ZNF407: variants seen among roughly 807,000 people sequenced by gnomAD.
The protein encoded by ZNF407 is zinc finger protein 407.
A neutral mutation model predicts 131.2 loss-of-function variants in ZNF407; 17 were observed. The observed-to-expected ratio is 0.13, with a 90% CI of 0.09 to 0.19. The LOEUF (loss-of-function observed/expected upper bound fraction) is 0.19, where lower values mean the gene tolerates loss of function less well. Among genes scored for constraint, ZNF407 ranks in the 10% least tolerant of loss-of-function variants. ZNF407 has a pLI of 1.00. For missense variants in ZNF407, 2,681 were observed against 2,830.6 expected, an observed-to-expected ratio of 0.95 and a Z score of 1.20; for synonymous variants, 1,156 against 1,062.0, an observed-to-expected ratio of 1.09 and a Z score of -1.72.
At chr18:74,915,113 A>G (rs1324365467) in intron 7 of ZNF407, among the ~76,000 whole-genome samples, 1 of 152,220 alleles carries the variant, frequency 6.6e-6, no homozygotes, top group Admixed American at 6.5e-5. Flanking sequence ...GGTGACAGAT[A>G]TAAGCTTCTT....
Position 74,999,368 on chromosome 18 carries a change from A to C in ZNF407, c.5429-63782A>C, listed in dbSNP as rs867403614. On this transcript the variant is annotated intron_variant, in intron 8 of 8. Coordinates refer to ENST00000299687, the MANE Select transcript of ZNF407 (RefSeq NM_017757.3). Reference sequence around the variant, plus strand: ...TATAATAAAAAAAAAAAAAAAAAAAAAAAAAAACAAAGGTAAAACTTAAGT... The same window carrying C: ...TATAATAAAAAAAAAAAAAAAAAAACAAAAAAACAAAGGTAAAACTTAAGT... 3.5e-3 allele frequency among the ~76,000 whole-genome samples: 533 copies of C among 150,318 alleles called. 4 individuals are homozygous for C. The highest frequency in any genetic ancestry group is 0.012 in the African/African-American group (508 of 40,958).
At chr18:74,985,213 T>G (rs1000124746) in intron 8 of ZNF407, among the ~76,000 whole-genome samples, 12 of 152,234 alleles carry the variant, frequency 7.9e-5, no homozygotes, top group Non-Finnish European at 1.5e-4. Context: ...TTAACTTTGT[T>G]CACTACTCTG....
At chr18:74,756,558 A>G (rs1299972312) in intron 3 of ZNF407, among the ~76,000 whole-genome samples, 2 of 152,178 alleles carry the variant, frequency 1.3e-5, no homozygotes, top group African/African-American at 4.8e-5. Flanking sequence ...TAAGTATTTT[A>G]AATGTTTTTA....
chr18:74,632,972 A>C lies in ZNF407; in HGVS notation c.1953A>C (p.Ser651=). The C allele has an allele frequency of 6.2e-7, 1 of 1,613,746 alleles. No individual in the cohort carries two copies. The highest frequency in any genetic ancestry group is 8.5e-7 in the Non-Finnish European group (1 of 1,179,826). ...TGGTTCAACCAAAGACTTTGCAATCATCTAACAGTGATTTGGTTTTACAGA... is the reference window on the plus strand; with the variant it reads ...TGGTTCAACCAAAGACTTTGCAATCCTCTAACAGTGATTTGGTTTTACAGA... The part of the protein sequence containing the change: ...NSLVQPKTLQ[S]SNSDLVLQTL... The change falls in exon 2 of 9, where the codon TCA becomes TCC. Residue 651 remains serine, a synonymous_variant. Coordinates refer to ENST00000299687, the MANE Select transcript of ZNF407 (RefSeq NM_017757.3).
intron 7 of ZNF407, among the ~76,000 whole-genome samples, chr18:74,890,388 G>A (rs867272516): frequency 2.0e-5 from 3 of 152,088 alleles, no homozygotes; most frequent in African/African-American, 7.2e-5. Context: ...TTTAGGATTC[G>A]CTGTGGACGG....
chr18:74,758,052 A>T (rs890857002), intron 3 of ZNF407, among the ~76,000 whole-genome samples: 1 of 152,122 alleles, frequency 6.6e-6, no homozygotes, highest in African/African-American at 2.4e-5. Flanking sequence ...TAGACAGCAT[A>T]TACTTGGATC....
chr18:74,761,040 T>TTAAA (rs1380778435), intron 3 of ZNF407, among the ~76,000 whole-genome samples: 2 of 152,196 alleles, frequency 1.3e-5, no homozygotes, highest in Non-Finnish European at 2.9e-5. Flanking sequence ...GATTATCTAT[T>TTAAA]TAGGCAAAAA....
At chr18:74,630,830 T>C (rs1311170022) in intron 1 of ZNF407, 137 bp from the exon 2 acceptor site, 10 of 561,758 alleles carry the variant, frequency 1.8e-5, no homozygotes, top group African/African-American at 3.8e-5. Context: ...TAAAAGACTT[T>C]AGACATGTAA....
chr18:74,803,463 T>A (rs370500373), intron 4 of ZNF407, among the ~76,000 whole-genome samples: 2 of 152,272 alleles, frequency 1.3e-5, no homozygotes, highest in South Asian at 4.1e-4. Context: ...GTCTGTGGGA[T>A]TTTTCTCTAT....
intron 4 of ZNF407, among the ~76,000 whole-genome samples, chr18:74,811,836 G>A (rs1970200376): frequency 6.6e-6 from 1 of 150,610 alleles, no homozygotes; most frequent in Admixed American, 6.6e-5. Context: ...AGAACACATG[G>A]ACACAGGAAG....
intron 8 of ZNF407, among the ~76,000 whole-genome samples, chr18:75,051,980 G>A (rs1217527769): frequency 2.0e-5 from 3 of 152,184 alleles, no homozygotes; most frequent in Non-Finnish European, 4.4e-5. Context: ...CTTAACTCAT[G>A]TCTGTCCTCC....
chr18:74,802,691 T>G lies in ZNF407; in HGVS notation c.4877+21189T>G, dbSNP rs545093636. 7.0e-4 allele frequency among the ~76,000 whole-genome samples: 106 copies of G among 152,312 alleles called. 1 individual carries two copies. Among genetic ancestry groups the G allele is most frequent in the African/African-American group, 2.4e-3 (101 of 41,570 alleles). The stretch of plus-strand genomic sequence containing the variant: ...AATATTCTAAGTGTTTGACAAATAG[T>G]GGATATCCAGTGGAAGAAAACAGTA... On this transcript the variant is annotated intron_variant, in intron 4 of 8. Coordinates refer to ENST00000299687, the MANE Select transcript of ZNF407 (RefSeq NM_017757.3).
chr18:74,695,754 ATTTTG>A (rs1967339527), intron 3 of ZNF407, among the ~76,000 whole-genome samples: 1 of 151,936 alleles, frequency 6.6e-6, no homozygotes, highest in South Asian at 2.1e-4. Context: ...CTTCCCCATG[ATTTTG>A]TTCTAAGCGT....
chr18:74,909,874 G>A (rs148678236), intron 7 of ZNF407, among the ~76,000 whole-genome samples: 2 of 152,276 alleles, frequency 1.3e-5, no homozygotes, highest in Non-Finnish European at 2.9e-5. Context: ...ACTTAGTAGT[G>A]TATGTTTGAA....
intron 4 of ZNF407, among the ~76,000 whole-genome samples, chr18:74,831,456 C>G (rs1599182951): frequency 1.3e-5 from 2 of 152,104 alleles, no homozygotes; most frequent in Non-Finnish European, 2.9e-5. Context: ...TACCATTCTG[C>G]TTTCTGTGTC....
intron 4 of ZNF407, among the ~76,000 whole-genome samples, chr18:74,865,158 G>A (rs1970993233): frequency 6.6e-6 from 1 of 152,172 alleles, no homozygotes; most frequent in Admixed American, 6.5e-5. Context: ...AACGCTCAGA[G>A]CTGACCCTGG....
At chr18:75,001,664 T>G (rs1972847073) in intron 8 of ZNF407, among the ~76,000 whole-genome samples, 1 of 152,238 alleles carries the variant, frequency 6.6e-6, no homozygotes. Flanking sequence ...TCTCCAACCC[T>G]GTATTTCTGT....
In ZNF407 at chr18:74,715,616, T is replaced by C. The variant is rs533074176; in HGVS notation, c.4803-65812T>C. Reference sequence around the variant, plus strand: ...CAGCAGTTACTGAATAGATGGTTTGTTGAATTGAACTACATGCTCGAGGGT... The same window carrying C: ...CAGCAGTTACTGAATAGATGGTTTGCTGAATTGAACTACATGCTCGAGGGT... On this transcript the variant is annotated intron_variant, in intron 3 of 8. Coordinates refer to ENST00000299687, the MANE Select transcript of ZNF407 (RefSeq NM_017757.3). Among the ~76,000 whole-genome samples the C allele has an allele frequency of 3.3e-5, 5 of 152,336 alleles. No individual in the cohort carries two copies. The East Asian group carries it at 5.8e-4, about 18-fold the overall frequency.
In ZNF407 at chr18:74,756,484, T is replaced by G. The variant is rs568221731; in HGVS notation, c.4803-24944T>G. On this transcript the variant is annotated intron_variant, in intron 3 of 8. Transcript: ENST00000299687. ...CTTTCTATTTACTGAAGTCTTCTGC[T>G]TCTTGTAGTGAAGTTTTAAAGTTTT... Among the ~76,000 whole-genome samples the G allele has an allele frequency of 2.6e-5, 4 of 152,350 alleles. No homozygotes were observed. In the South Asian group the frequency reaches 8.3e-4, roughly 32 times the overall value.
Sources: gnomAD v4.1 joint callset for allele counts (sites outside exome capture counted in the v4.1 genomes callset) on GRCh38, gnomAD v4.1.1 for gene constraint, MANE v1.5 for transcripts, NCBI Gene and HGNC (gene_info 2026-07-23, HGNC 2026-07-21) for gene names.